Variants in WSCD1 observed in about 807,000 individuals in gnomAD.
WSCD1 encodes the protein WSC domain sialate O sulfotransferase 1.
A neutral mutation model predicts 60.4 loss-of-function variants in WSCD1; 41 were observed. That is an observed-to-expected ratio of 0.68 (90% CI 0.53 to 0.88). The LOEUF is 0.88. Ranked by LOEUF, WSCD1 falls within the 40% of genes least tolerant of loss-of-function variation. The pLI is 0.00. For synonymous variants in WSCD1, 361 were observed against 332.5 expected, an observed-to-expected ratio of 1.09 and a Z score of -0.93; for missense variants, 784 against 796.2, an observed-to-expected ratio of 0.98 and a Z score of 0.18.
intron 2 of WSCD1, among the ~76,000 whole-genome samples, chr17:6,086,847 C>G (rs895243737): frequency 6.6e-6 from 1 of 152,170 alleles, no homozygotes; most frequent in African/African-American, 2.4e-5. Context: ...GCATCCAGGC[C>G]TGTGGACCAT....
Position 6,075,054 on chromosome 17 carries a change from C to T in WSCD1, c.-289+4402C>T, listed in dbSNP as rs951120230. ...CCTGAAGCTGAGACCCCCTGGCTGCCAGTCACTGAGGCTGAGGCTTCGAGC... is the reference window on the plus strand; with the variant it reads ...CCTGAAGCTGAGACCCCCTGGCTGCTAGTCACTGAGGCTGAGGCTTCGAGC... On this transcript the variant is annotated intron_variant, in intron 1 of 8. Transcript: ENST00000317744. The surrounding 1 kb of genome is among the most constrained non-coding windows in gnomAD (Gnocchi z 4.1). 6.6e-6 allele frequency among the ~76,000 whole-genome samples: 1 copy of T among 152,126 alleles called. No homozygotes were observed. The highest frequency in any genetic ancestry group is 1.5e-5 in the Non-Finnish European group (1 of 68,010).
At chr17:6,089,922 AG>A (rs1044870160) in intron 3 of WSCD1, among the ~76,000 whole-genome samples, 3 of 152,146 alleles carry the variant, frequency 2.0e-5, no homozygotes, top group African/African-American at 7.2e-5. Flanking sequence ...CTGATTCCTA[AG>A]GCCAGCCATA....
chr17:6,075,631 C>T lies in WSCD1; in HGVS notation c.-288-4740C>T, dbSNP rs2150526602. 6.6e-6 allele frequency among the ~76,000 whole-genome samples: 1 copy of T among 152,328 alleles called. No homozygotes were observed. The highest frequency in any genetic ancestry group is 3.4e-3 in the Middle Eastern group (1 of 294). ...CCCATTTGTTCTGTTACTCTCTTCTCATGCTTGACAGGGAACTCAGAATCT... is the reference window on the plus strand; with the variant it reads ...CCCATTTGTTCTGTTACTCTCTTCTTATGCTTGACAGGGAACTCAGAATCT... On this transcript the variant is annotated intron_variant, in intron 1 of 8. Transcript: ENST00000317744. This position sits in a 1 kb window ranked among gnomAD's most constrained non-coding sequence, Gnocchi z 4.1.
At chr17:6,104,762 C>T (rs1440583025) in intron 5 of WSCD1, among the ~76,000 whole-genome samples, 2 of 152,232 alleles carry the variant, frequency 1.3e-5, no homozygotes, top group African/African-American at 4.8e-5. Flanking sequence ...AAACCCAGCA[C>T]ATCCATGTAT....
intron 5 of WSCD1, among the ~76,000 whole-genome samples, chr17:6,095,453 T>C (rs1450432284): frequency 1.3e-5 from 2 of 152,184 alleles, no homozygotes; most frequent in Non-Finnish European, 2.9e-5. Flanking sequence ...CAGCAAGGCT[T>C]GTAAAGCCGA....
rs143677339 is a variant in WSCD1, at chr17:6,081,125, C to T, written c.427+40C>T. On this transcript the variant is annotated intron_variant, in intron 2 of 8. Transcript: ENST00000317744. ...GCATTTGGGGGAGCTGTTCCCAGGACCCCCCATTCAGGGTCACAGGTTTGG... is the reference window on the plus strand; with the variant it reads ...GCATTTGGGGGAGCTGTTCCCAGGATCCCCCATTCAGGGTCACAGGTTTGG... 2.0e-6 allele frequency: 3 copies of T among 1,499,176 alleles called. No homozygotes were observed. In the Admixed American group the frequency reaches 6.7e-5, roughly 33 times the overall value. The allele number at this position is 1,499,176 out of a possible 1,614,324, so 92.9% of individuals were successfully genotyped here. A position where few individuals can be genotyped will look rare whatever the true frequency, so the allele number is the denominator to read the frequency against.
chr17:6,119,376 C>T (rs772104038), intron 8 of WSCD1, among the ~76,000 whole-genome samples: 29 of 152,172 alleles, frequency 1.9e-4, no homozygotes, highest in East Asian at 3.8e-4. Context: ...TCTCTGCCCT[C>T]GAGGCATGCA....
intron 3 of WSCD1, 83 bp downstream of exon 3, chr17:6,088,187 C>T: frequency 8.4e-7 from 1 of 1,193,250 alleles, no homozygotes; most frequent in Non-Finnish European, 1.2e-6. Flanking sequence ...ATATCAGCTA[C>T]CAGTTGGCTG....
chr17:6,107,894 T>A (rs1911186168), intron 5 of WSCD1, among the ~76,000 whole-genome samples: 1 of 152,098 alleles, frequency 6.6e-6, no homozygotes, highest in South Asian at 2.1e-4. Context: ...AGAAGAGTGG[T>A]GTAGGGGCCG....
Position 6,088,039 on chromosome 17 carries a change from A to G in WSCD1, c.477A>G (p.Lys159=). The change falls in exon 3 of 9, where the codon AAA becomes AAG. Residue 159 remains lysine (K), a synonymous_variant. Transcript: ENST00000317744. ...FSDDGHERTL[K]GAVFYDLRKM... ...ACGATGGCCACGAGAGGACTCTGAA[A>G]GGAGCTGTGTTTTATGACTTGAGAA... 6.2e-7 allele frequency: 1 copy of G among 1,614,210 alleles called. No individual in the cohort carries two copies. The highest frequency in any genetic ancestry group is 2.2e-5 in the East Asian group (1 of 44,882).
intron 1 of WSCD1, among the ~76,000 whole-genome samples, chr17:6,073,858 T>G (rs965325384): frequency 3.9e-5 from 6 of 152,214 alleles, no homozygotes; most frequent in Admixed American, 3.3e-4. Flanking sequence ...TGGCTGGTGA[T>G]GATATGCTCT....
In WSCD1 at chr17:6,122,900, A is replaced by C. The variant is rs1220911740; in HGVS notation, c.*2239A>C. Reference sequence around the variant, plus strand: ...CATCCAGTTTACGCTGAGTCAGTCCATACAGCAAGACACCTGGCACTTGGC... The same window carrying C: ...CATCCAGTTTACGCTGAGTCAGTCCCTACAGCAAGACACCTGGCACTTGGC... On this transcript the variant is annotated 3_prime_UTR_variant, in exon 9 of 9. Coordinates refer to ENST00000317744, the MANE Select transcript of WSCD1 (RefSeq NM_015253.2). 6.6e-6 allele frequency: 1 copy of C among 152,282 alleles called. No homozygotes were observed. The highest frequency in any genetic ancestry group is 2.4e-5 in the African/African-American group (1 of 41,448). The allele number at this position is 152,282 out of a possible 1,614,324, so 9.4% of individuals were successfully genotyped here.
chr17:6,102,768 A>G (rs1212032363), intron 5 of WSCD1, among the ~76,000 whole-genome samples: 2 of 152,044 alleles, frequency 1.3e-5, no homozygotes, highest in Non-Finnish European at 2.9e-5. Context: ...GCTATGCCTT[A>G]TCGCTTATTG....
rs918829795 is a variant in WSCD1 at position 6,122,193 on chromosome 17, G to C, written c.*1532G>C. On this transcript the variant is annotated 3_prime_UTR_variant, in exon 9 of 9. Transcript: ENST00000317744. ...CCCTCTGCTTCCTAGCCTGATGATGGGGAACCCAGAGCCACCCGCTATGAG... is the reference window on the plus strand; with the variant it reads ...CCCTCTGCTTCCTAGCCTGATGATGCGGAACCCAGAGCCACCCGCTATGAG... 6.6e-6 allele frequency: 1 copy of C among 152,310 alleles called. No homozygotes were observed. The highest frequency in any genetic ancestry group is 2.4e-5 in the African/African-American group (1 of 41,448). 9.4% of individuals were successfully genotyped at this position (152,310 alleles called of 1,614,324 possible). A position where few individuals can be genotyped will look rare whatever the true frequency, so the allele number is the denominator to read the frequency against.
rs761826489 is a variant in WSCD1, at chr17:6,124,252, G to A, written c.*3591G>A. Reference sequence around the variant, plus strand: ...CTTTATGATGACCACCTTGGGCCTTGGGATCATGACCAGGAATCACGTGAA... The same window carrying A: ...CTTTATGATGACCACCTTGGGCCTTAGGATCATGACCAGGAATCACGTGAA... On this transcript the variant is annotated 3_prime_UTR_variant, in exon 9 of 9. Transcript: ENST00000317744. 2 of 152,176 alleles carry A rather than the reference G, an allele frequency of 1.3e-5. No homozygotes were observed. The highest frequency in any genetic ancestry group is 2.9e-5 in the Non-Finnish European group (2 of 68,026). 9.4% of individuals were successfully genotyped at this position (152,176 alleles called of 1,614,324 possible).
In WSCD1 at chr17:6,118,324, A is replaced by G. The variant is rs1904431808; in HGVS notation, c.1375+136A>G. On this transcript the variant is annotated intron_variant, in intron 8 of 8. Transcript: ENST00000317744. This position sits in a 1 kb window ranked among gnomAD's most constrained non-coding sequence, Gnocchi z 5.8. Reference sequence around the variant, plus strand: ...ATACACAGGTAGGCACTCAAACCCCATCCTGCTAGGGACTTAGTGCTGCTG... The same window carrying G: ...ATACACAGGTAGGCACTCAAACCCCGTCCTGCTAGGGACTTAGTGCTGCTG... 1 of 929,838 alleles carries G rather than the reference A, an allele frequency of 1.1e-6. No homozygotes were observed. The highest frequency in any genetic ancestry group is 2.3e-5 in the Admixed American group (1 of 44,234). The allele number at this position is 929,838 out of a possible 1,614,324, so 57.6% of individuals were successfully genotyped here. A position where few individuals can be genotyped will look rare whatever the true frequency, so the allele number is the denominator to read the frequency against.
At chr17:6,108,393 C>T (rs572085658) in intron 5 of WSCD1, among the ~76,000 whole-genome samples, 1 of 152,326 alleles carries the variant, frequency 6.6e-6, no homozygotes, top group East Asian at 1.9e-4. Context: ...ATTACTCTCT[C>T]ATCTCTCTAC....
intron 2 of WSCD1, among the ~76,000 whole-genome samples, chr17:6,084,318 G>A (rs1318820525): frequency 6.6e-6 from 1 of 152,264 alleles, no homozygotes; most frequent in Non-Finnish European, 1.5e-5. Context: ...GAGAATGGGG[G>A]AAGGCAGGGT....
rs146606100 is a variant in WSCD1, at chr17:6,090,384, G to A, written c.606G>A (p.Ala202=). ...GTTACTGCGGGAACCGGCTGCCAGC[G>A]GTGAGCGTGGGGCTGGAAGAGTGTA... ...AECYCGNRLP[A]VSVGLEECNH... The change falls in exon 4 of 9, where the codon GCG becomes GCA. Residue 202 remains alanine, a synonymous_variant. Transcript: ENST00000317744. The A allele has an allele frequency of 3.7e-5, 60 of 1,609,944 alleles. No homozygotes were observed. Among genetic ancestry groups the A allele is most frequent in the Admixed American group, 1.0e-4 (6 of 59,148 alleles).
Sources: allele counts gnomAD v4.1 joint callset (sites outside exome capture counted in the v4.1 genomes callset), GRCh38; gene constraint gnomAD v4.1.1; non-coding constraint Gnocchi (gnomAD v3.1); transcripts MANE v1.5; gene names NCBI Gene and HGNC (gene_info 2026-07-23, HGNC 2026-07-21).